The following LEF1 variants were observed in gnomAD, a reference collection of about 807,000 sequenced individuals.
LEF1 encodes lymphoid enhancer binding factor 1, also known as lymphoid enhancer-binding factor 1.
In LEF1, 14 loss-of-function variants were observed where a neutral mutation model predicts 51.2. That is an observed-to-expected ratio of 0.27 (90% CI 0.18 to 0.43). The LOEUF is 0.43. Among genes scored for constraint, LEF1 ranks in the 20% least tolerant of loss-of-function variants. The pLI is 1.00. For synonymous variants in LEF1, 185 were observed against 183.2 expected (o/e 1.01, Z -0.08); for missense variants, 386 against 512.0 (o/e 0.75, Z 2.37).
At chr4:108,075,760 T>C (rs934715552) in intron 8 of LEF1, among the ~76,000 whole-genome samples, 2 of 152,212 alleles carry the variant, frequency 1.3e-5, no homozygotes, top group African/African-American at 4.8e-5. Flanking sequence ...ATCCTAGTTG[T>C]AGCCTGCTGC....
At chr4:108,122,640 G>T (rs1465640217) in intron 3 of LEF1, among the ~76,000 whole-genome samples, 1 of 152,038 alleles carries the variant, frequency 6.6e-6, no homozygotes, top group African/African-American at 2.4e-5. Context: ...ACCATGCCCA[G>T]CTAATTTATT....
In LEF1 at chr4:108,051,215, A is replaced by C. The variant is rs74564627; in HGVS notation, c.*7-2464T>G. Among the ~76,000 whole-genome samples the C allele has an allele frequency of 9.2e-3, 1,407 of 152,242 alleles. 27 individuals carry two copies. Among genetic ancestry groups the C allele is most frequent in the African/African-American group, 0.032 (1,329 of 41,540 alleles). The stretch of plus-strand genomic sequence containing the variant: ...AGTTGGCTTCAGAGAACCTCTGTAC[A>C]GTTGCTTACCAAAAAGCAACTAATC... On this transcript the variant is annotated intron_variant, in intron 11 of 11. Coordinates refer to ENST00000265165, the MANE Select transcript of LEF1 (RefSeq NM_016269.5).
At chr4:108,057,722 ATCT>A (rs1737401377) in intron 11 of LEF1, among the ~76,000 whole-genome samples, 1 of 152,060 alleles carries the variant, frequency 6.6e-6, no homozygotes, top group Admixed American at 6.5e-5. Context: ...GCCAGAAACA[ATCT>A]TCTTAAAAAA....
chr4:108,163,799 C>T (rs1745219632), intron 2 of LEF1, 98 bp from the exon 3 acceptor site: 2 of 1,252,738 alleles, frequency 1.6e-6, no homozygotes, highest in East Asian at 2.5e-5. Flanking sequence ...ATAAATCAGA[C>T]CCTACATAAA....
intron 3 of LEF1, among the ~76,000 whole-genome samples, chr4:108,111,233 C>T (rs1741511233): frequency 6.6e-6 from 1 of 152,226 alleles, no homozygotes; most frequent in Non-Finnish European, 1.5e-5. Context: ...CTCTGCCTTC[C>T]TTCCATTCCC....
chr4:108,143,226 G>A (rs974832858), intron 3 of LEF1, among the ~76,000 whole-genome samples: 1 of 152,144 alleles, frequency 6.6e-6, no homozygotes, highest in Non-Finnish European at 1.5e-5. Context: ...TCAGTTTACT[G>A]GGTTACAGTT....
chr4:108,145,687 A>C (rs1184191509), intron 3 of LEF1, among the ~76,000 whole-genome samples: 1 of 152,236 alleles, frequency 6.6e-6, no homozygotes, highest in Non-Finnish European at 1.5e-5. Context: ...GACATGAATG[A>C]ACCCTGAATA....
intron 8 of LEF1, among the ~76,000 whole-genome samples, chr4:108,076,719 G>A (rs183633104): frequency 1.3e-5 from 2 of 152,104 alleles, no homozygotes; most frequent in African/African-American, 2.4e-5. Context: ...TAATCTCCAG[G>A]CATCATGCCT....
intron 9 of LEF1, among the ~76,000 whole-genome samples, chr4:108,067,992 G>A (rs929657087): frequency 4.6e-5 from 7 of 152,060 alleles, no homozygotes; most frequent in Non-Finnish European, 8.8e-5. Context: ...ACCGGGCCGG[G>A]CGTGGTGGCT....
intron 3 of LEF1, among the ~76,000 whole-genome samples, chr4:108,123,189 T>C (rs565140422): frequency 6.6e-6 from 1 of 152,224 alleles, no homozygotes; most frequent in Non-Finnish European, 1.5e-5. Context: ...ACCAGATCTC[T>C]GTTGAGGAAA....
chr4:108,143,543 T>C (rs555818010), intron 3 of LEF1, among the ~76,000 whole-genome samples: 1 of 152,336 alleles, frequency 6.6e-6, no homozygotes, highest in African/African-American at 2.4e-5. Flanking sequence ...ATTTCTTTTG[T>C]GATTCTATCA....
chr4:108,110,780 GTAAGAAT>G (rs1251894838), intron 3 of LEF1, among the ~76,000 whole-genome samples: 6 of 152,194 alleles, frequency 3.9e-5, no homozygotes, highest in African/African-American at 9.7e-5. Context: ...CAGTTTTGTA[GTAAGAAT>G]TACAGAAAAT....
chr4:108,162,580 C>T lies in LEF1; in HGVS notation c.414+988G>A, dbSNP rs571910982. ...TGGTAGAAACACTGGGCAAGTAAGT[C>T]AAACACTATAGGTTCCATTTTACAA... On this transcript the variant is annotated intron_variant, in intron 3 of 11. Transcript: ENST00000265165. 9.5e-4 allele frequency among the ~76,000 whole-genome samples: 145 copies of T among 152,168 alleles called. 1 individual carries two copies. Among genetic ancestry groups the T allele is most frequent in the African/African-American group, 3.3e-3 (139 of 41,522 alleles).
intron 3 of LEF1, among the ~76,000 whole-genome samples, chr4:108,122,523 G>A (rs551454173): frequency 1.3e-5 from 2 of 152,116 alleles, no homozygotes; most frequent in Non-Finnish European, 2.9e-5. Flanking sequence ...TGTCACCCAG[G>A]CTGGAGTGCA....
chr4:108,141,442 C>T (rs917185535), intron 3 of LEF1, among the ~76,000 whole-genome samples: 33 of 152,288 alleles, frequency 2.2e-4, no homozygotes, highest in African/African-American at 7.2e-4. Context: ...GTCAGCGGGA[C>T]TCCAGTGTTC....
chr4:108,162,736 T>C (rs1325074388), intron 3 of LEF1, among the ~76,000 whole-genome samples: 2 of 152,036 alleles, frequency 1.3e-5, no homozygotes, highest in African/African-American at 2.4e-5. Context: ...AATATATTGA[T>C]GGGTCAGTAA....
chr4:108,090,003 T>TG, intron 3 of LEF1, among the ~76,000 whole-genome samples: 1 of 152,244 alleles, frequency 6.6e-6, no homozygotes, highest in African/African-American at 2.4e-5. Flanking sequence ...TTTTTTGAGA[T>TG]GGAGTTTCAC....
At chr4:108,134,963 CA>C (rs1165075351) in intron 3 of LEF1, among the ~76,000 whole-genome samples, 1 of 152,054 alleles carries the variant, frequency 6.6e-6, no homozygotes, top group Non-Finnish European at 1.5e-5. Flanking sequence ...TCCCATATGA[CA>C]AGAAAATGGA....
intron 3 of LEF1, among the ~76,000 whole-genome samples, chr4:108,141,565 G>C (rs1462997719): frequency 1.3e-5 from 2 of 152,184 alleles, no homozygotes; most frequent in Admixed American, 6.5e-5. Flanking sequence ...ATTTCTGCCT[G>C]AATAGAGACC....
Sources: gnomAD v4.1 joint callset for allele counts (sites outside exome capture counted in the v4.1 genomes callset) on GRCh38, gnomAD v4.1.1 for gene constraint, MANE v1.5 for transcripts, NCBI Gene and HGNC (gene_info 2026-07-23, HGNC 2026-07-21) for gene names.